ATG14: variants seen among roughly 807,000 people sequenced by gnomAD.
The protein encoded by ATG14 is autophagy related 14, also known as beclin 1-associated autophagy-related key regulator.
A neutral mutation model predicts 60.4 loss-of-function variants in ATG14; 35 were observed. The ratio of observed to expected loss-of-function variants is 0.58; its 90% confidence interval spans 0.44 to 0.77. ATG14 has a LOEUF of 0.77. Ranked by LOEUF, ATG14 falls within the 30% of genes least tolerant of loss-of-function variation. The pLI is 0.00. For synonymous variants in ATG14, 234 were observed against 228.8 expected (o/e 1.02, Z -0.21); for missense variants, 647 against 626.3 (o/e 1.03, Z -0.35).
intron 1 of ATG14, among the ~76,000 whole-genome samples, chr14:55,399,436 C>CCAGT (rs1885364360): frequency 6.6e-6 from 1 of 152,148 alleles, no homozygotes. Context: ...ACAGCATGAA[C>CCAGT]CAGTATTAGA....
intron 1 of ATG14, among the ~76,000 whole-genome samples, chr14:55,411,321 A>C (rs535382641): frequency 2.0e-4 from 30 of 152,360 alleles, no homozygotes; most frequent in Non-Finnish European, 5.9e-5. Context: ...ACTTCTCCAG[A>C]GAGTCACCAC....
At chr14:55,411,150 T>G (rs1284818844) in intron 1 of ATG14, among the ~76,000 whole-genome samples, 1 of 152,252 alleles carries the variant, frequency 6.6e-6, no homozygotes, top group Non-Finnish European at 1.5e-5. Context: ...TGTGACAGAC[T>G]ACCAGGCCCA....
At chr14:55,402,581 G>A (rs1594784612) in intron 1 of ATG14, among the ~76,000 whole-genome samples, 3 of 151,828 alleles carry the variant, frequency 2.0e-5, no homozygotes, top group East Asian at 1.9e-4. Flanking sequence ...TATTTTTATC[G>A]GCAAAGATAT....
intron 4 of ATG14, among the ~76,000 whole-genome samples, chr14:55,386,486 C>T (rs1246223818): frequency 6.6e-6 from 1 of 152,190 alleles, no homozygotes; most frequent in Non-Finnish European, 1.5e-5. Flanking sequence ...TCCCTAGAAA[C>T]TTCTTAGGTG....
At chr14:55,404,148 T>A (rs567984825) in intron 1 of ATG14, among the ~76,000 whole-genome samples, 10 of 152,294 alleles carry the variant, frequency 6.6e-5, no homozygotes, top group African/African-American at 2.4e-4. Context: ...CAGGGTCTGA[T>A]TATTAAGTGT....
At chr14:55,378,496 C>T (rs1343457811) in intron 7 of ATG14, among the ~76,000 whole-genome samples, 1 of 152,186 alleles carries the variant, frequency 6.6e-6, no homozygotes, top group Non-Finnish European at 1.5e-5. Context: ...ACAAGATTTG[C>T]ACCCCATCTT....
intron 9 of ATG14, 105 bp from the exon 10 acceptor site, chr14:55,370,030 C>T: frequency 9.1e-7 from 1 of 1,103,548 alleles, no homozygotes; most frequent in Non-Finnish European, 1.3e-6. Flanking sequence ...AGGGACGCCG[C>T]ACACCCCATT....
chr14:55,382,184 C>T lies in ATG14; in HGVS notation c.655G>A (p.Ala219Thr), dbSNP rs371708306. 1.7e-5 allele frequency: 27 copies of T among 1,613,946 alleles called. No individual in the cohort carries two copies. Among genetic ancestry groups the T allele is most frequent in the Admixed American group, 5.0e-5 (3 of 59,994 alleles). ...EEVKTGVRDPADVSSESDSAM... is the reference protein window; with the variant it reads ...EEVKTGVRDPTDVSSESDSAM... The stretch of plus-strand genomic sequence containing the variant: ...CTGTCACTCTCTGAAGACACATCTG[C>T]GGGGTCTCTACAAGTAGGAAGACAC... Residue 219 changes from alanine (A) to threonine (T), a missense_variant, in exon 6 of 10, where the codon GCA (alanine) becomes ACA (threonine). By Grantham distance (58) the Ala-to-Thr change is moderately conservative. Transcript: ENST00000247178.
intron 9 of ATG14, among the ~76,000 whole-genome samples, chr14:55,373,586 A>G (rs1399711797): frequency 6.6e-6 from 1 of 152,026 alleles, no homozygotes; most frequent in South Asian, 2.1e-4. Flanking sequence ...CAGCCTCCCA[A>G]GTAGCTGGGG....
chr14:55,366,598 T>A lies in ATG14; in HGVS notation c.*3021A>T, dbSNP rs1054028011. The A allele has an allele frequency of 2.6e-5, 4 of 152,244 alleles. No homozygotes were observed. Among genetic ancestry groups the A allele is most frequent in the African/African-American group, 9.7e-5 (4 of 41,326 alleles). The allele number at this position is 152,244 out of a possible 1,614,324, so 9.4% of individuals were successfully genotyped here. ...CATGAGTCCCGTCCACTCTACCCAA[T>A]GGTGATATACTGTTTTTCCCCCTTA... On this transcript the variant is annotated 3_prime_UTR_variant, in exon 10 of 10. Transcript: ENST00000247178.
At chr14:55,399,632 C>T (rs2140147302) in intron 1 of ATG14, among the ~76,000 whole-genome samples, 1 of 152,262 alleles carries the variant, frequency 6.6e-6, no homozygotes, top group South Asian at 2.1e-4. Flanking sequence ...CTTCTGTTTC[C>T]TTGTATCAAA....
At chr14:55,383,140 C>A (rs1403007392) in intron 5 of ATG14, among the ~76,000 whole-genome samples, 1 of 152,210 alleles carries the variant, frequency 6.6e-6, no homozygotes, top group Non-Finnish European at 1.5e-5. Context: ...GTGTGCAGCA[C>A]AAGGGCCTTA....
At chr14:55,402,951 ATATATATATATATAT>A (rs1885431445) in intron 1 of ATG14, among the ~76,000 whole-genome samples, 2 of 79,460 alleles carry the variant, frequency 2.5e-5, no homozygotes, top group Non-Finnish European at 5.3e-5. Context: ...ATATATATAT[ATATATATATATATAT>A]ATAAATAGCT....
intron 9 of ATG14, among the ~76,000 whole-genome samples, chr14:55,375,496 T>A (rs1252735795): frequency 5.2e-5 from 7 of 134,240 alleles, no homozygotes; most frequent in African/African-American, 2.0e-4. Flanking sequence ...CTAAATTTTT[T>A]TTTTTTTTTT....
rs1247158243 is a variant in ATG14 at position 55,382,178 on chromosome 14, C to T, written c.661G>A (p.Val221Met). The change falls in exon 6 of 10, where the codon GTG (valine) becomes ATG (methionine). Residue 221 changes from valine to methionine, a missense_variant. Physicochemically the swap from Val to Met is conservative, Grantham distance 21 (BLOSUM62 1). Transcript: ENST00000247178. ...VKTGVRDPADVSSESDSAMTS... is the reference protein window; with the variant it reads ...VKTGVRDPADMSSESDSAMTS... ...ATGGCACTGTCACTCTCTGAAGACA[C>T]ATCTGCGGGGTCTCTACAAGTAGGA... The T allele has an allele frequency of 1.9e-6, 3 of 1,614,170 alleles. No homozygotes were observed. The highest frequency in any genetic ancestry group is 2.5e-6 in the Non-Finnish European group (3 of 1,180,012).
At chr14:55,374,792 C>T (rs980739978) in intron 9 of ATG14, among the ~76,000 whole-genome samples, 3 of 152,228 alleles carry the variant, frequency 2.0e-5, no homozygotes, top group African/African-American at 7.2e-5. Flanking sequence ...AACGCCTCCT[C>T]TATCATAAGA....
Position 55,375,490 on chromosome 14 carries a change from A to AATTT in ATG14, c.1172+2328_1172+2329insAAAT, listed in dbSNP as rs1555341540. On this transcript the variant is annotated intron_variant, in intron 9 of 9. Coordinates refer to ENST00000247178, the MANE Select transcript of ATG14 (RefSeq NM_014924.5). The stretch of plus-strand genomic sequence containing the variant: ...GGCATGCATTACCACGCCGGGCTAA[A>AATTT]TTTTTTTTTTTTTTTTTTTTTTTTT... Among the ~76,000 whole-genome samples, 980 of 117,518 alleles carry AATTT rather than the reference A, an allele frequency of 8.3e-3. 1 individual carries two copies. Among genetic ancestry groups the AATTT allele is most frequent in the Non-Finnish European group, 0.011 (676 of 59,218 alleles). The allele number at this position is 117,518 out of a possible 152,430, so 77.1% of individuals were successfully genotyped here.
chr14:55,407,071 C>T (rs1167847596), intron 1 of ATG14, among the ~76,000 whole-genome samples: 1 of 151,762 alleles, frequency 6.6e-6, no homozygotes. Flanking sequence ...AAGCAATTCT[C>T]GTGCCTCAGC....
chr14:55,380,871 A>G (rs1885019525), intron 6 of ATG14, among the ~76,000 whole-genome samples, 181 bp from the exon 7 acceptor site: 1 of 90,032 alleles, frequency 1.1e-5, no homozygotes, highest in Non-Finnish European at 2.1e-5. Flanking sequence ...ATATATATAT[A>G]TATATTTTTT....
Sources: allele counts gnomAD v4.1 joint callset (sites outside exome capture counted in the v4.1 genomes callset), GRCh38; gene constraint gnomAD v4.1.1; transcripts MANE v1.5; gene names NCBI Gene and HGNC (gene_info 2026-07-23, HGNC 2026-07-21).